The following HCRTR2 variants were observed in gnomAD, a reference collection of about 807,000 sequenced individuals.
HCRTR2 encodes the protein orexin receptor type 2.
HCRTR2 carries 22 observed loss-of-function variants against 49.0 expected under a neutral mutation model. The observed-to-expected ratio is 0.45, with a 90% CI of 0.32 to 0.64. The LOEUF is 0.64. HCRTR2 is among the 30% of genes least tolerant of loss of function. The probability of loss-of-function intolerance (pLI) is 0.04; values close to 1 mark genes in which losing one functional copy is unlikely to be tolerated. For missense variants in HCRTR2, 491 were observed against 559.4 expected (o/e 0.88, Z 1.23); for synonymous variants, 236 against 205.3 (o/e 1.15, Z -1.28).
chr6:55,246,326 TA>T (rs1766442788), intron 1 of HCRTR2, among the ~76,000 whole-genome samples: 1 of 151,912 alleles, frequency 6.6e-6, no homozygotes, highest in South Asian at 2.1e-4. Flanking sequence ...TTCCAAGAAA[TA>T]ATTAGGATCT....
intron 1 of HCRTR2, among the ~76,000 whole-genome samples, chr6:55,179,134 G>A (rs1205006221): frequency 6.6e-6 from 1 of 152,148 alleles, no homozygotes; most frequent in African/African-American, 2.4e-5. Context: ...AGATATGTAA[G>A]TGGTAGAATT....
At chr6:55,131,615 A>G in intron 1 of HCRTR2, among the ~76,000 whole-genome samples, 1 of 151,870 alleles carries the variant, frequency 6.6e-6, no homozygotes. Flanking sequence ...ACAAGCAAAA[A>G]AAGGCAAAAA....
chr6:55,282,385 G>C lies in HCRTR2; in HGVS notation c.1266G>C (p.Glu422Asp). The part of the protein sequence containing the change: ...SNFDNISKLS[E>D]QVVLTSISTL... ...TTGATAACATATCAAAACTTTCTGAGCAAGTTGTGCTCACTAGCATAAGCA... is the reference window on the plus strand; with the variant it reads ...TTGATAACATATCAAAACTTTCTGACCAAGTTGTGCTCACTAGCATAAGCA... Residue 422 changes from glutamate (E) to aspartate (D), a missense_variant, in exon 7 of 7, where the codon GAG becomes GAC. Transcript: ENST00000370862. The C allele has an allele frequency of 1.2e-6, 2 of 1,613,346 alleles. No homozygotes were observed. The highest frequency in any genetic ancestry group is 1.7e-6 in the Non-Finnish European group (2 of 1,179,564).
At chr6:55,193,222 T>C (rs1765351340) in intron 1 of HCRTR2, among the ~76,000 whole-genome samples, 1 of 152,170 alleles carries the variant, frequency 6.6e-6, no homozygotes, top group Non-Finnish European at 1.5e-5. Context: ...GACAGCATCA[T>C]GGGAAGGCCA....
intron 2 of HCRTR2, among the ~76,000 whole-genome samples, chr6:55,254,378 T>G (rs1766609866): frequency 2.0e-5 from 3 of 152,152 alleles, no homozygotes; most frequent in Admixed American, 2.0e-4. Flanking sequence ...ATATGAATTT[T>G]TAAAATTTTT....
Position 55,147,815 on chromosome 6 carries a change from T to C in HCRTR2, c.-377-26396T>C, listed in dbSNP as rs534458902. On this transcript the variant is annotated intron_variant, in intron 1 of 7. Coordinates refer to the HCRTR2 transcript ENST00000615358. The stretch of plus-strand genomic sequence containing the variant: ...GTATAGGCTCTGGATGTAAACAGTT[T>C]AGCTCTGGGAAAGATGTTTTAGTGA... Among the ~76,000 whole-genome samples, 18 of 152,352 alleles carry C rather than the reference T, an allele frequency of 1.2e-4. 1 individual carries two copies. The South Asian group carries it at 2.9e-3, about 25-fold the overall frequency.
intron 1 of HCRTR2, among the ~76,000 whole-genome samples, chr6:55,126,426 A>T (rs917769215): frequency 6.6e-5 from 10 of 152,156 alleles, no homozygotes; most frequent in Non-Finnish European, 1.0e-4. Context: ...GTATCACCAG[A>T]GGAGGCTGTA....
chr6:55,132,076 G>T (rs933599024), intron 1 of HCRTR2, among the ~76,000 whole-genome samples: 9 of 151,676 alleles, frequency 5.9e-5, no homozygotes, highest in African/African-American at 1.7e-4. Flanking sequence ...AACATATATA[G>T]ATATCCCTTT....
intron 1 of HCRTR2, among the ~76,000 whole-genome samples, chr6:55,216,747 A>C (rs1765794162): frequency 6.6e-6 from 1 of 152,178 alleles, no homozygotes; most frequent in Non-Finnish European, 1.5e-5. Flanking sequence ...CAGCTTTCCC[A>C]GGTGGGCACT....
At chr6:55,277,020 G>C (rs138355882) in intron 4 of HCRTR2, among the ~76,000 whole-genome samples, 293 of 152,228 alleles carry the variant, frequency 1.9e-3, no homozygotes, top group Non-Finnish European at 2.9e-3. Flanking sequence ...TTAAACTTTG[G>C]TATCTGAGCT....
chr6:55,228,118 A>G (rs1430580115), intron 1 of HCRTR2, among the ~76,000 whole-genome samples: 4 of 152,106 alleles, frequency 2.6e-5, no homozygotes, highest in Non-Finnish European at 4.4e-5. Flanking sequence ...ACAGTGATGA[A>G]TAACAGAACC....
intron 1 of HCRTR2, among the ~76,000 whole-genome samples, chr6:55,242,964 C>G (rs1305370248): frequency 6.6e-6 from 1 of 152,154 alleles, no homozygotes; most frequent in African/African-American, 2.4e-5. Flanking sequence ...TATTATTTAA[C>G]ATATTTTATA....
At chr6:55,191,497 A>T (rs1179385423) in intron 1 of HCRTR2, among the ~76,000 whole-genome samples, 6 of 152,186 alleles carry the variant, frequency 3.9e-5, no homozygotes, top group African/African-American at 1.4e-4. Flanking sequence ...CATGGAAAGA[A>T]TTGAAGGGTT....
chr6:55,193,219 T>A (rs1765351284), intron 1 of HCRTR2, among the ~76,000 whole-genome samples: 1 of 152,164 alleles, frequency 6.6e-6, no homozygotes, highest in Non-Finnish European at 1.5e-5. Flanking sequence ...CATGACAGCA[T>A]CATGGGAAGG....
At chr6:55,192,119 A>G (rs964658345) in intron 1 of HCRTR2, among the ~76,000 whole-genome samples, 6 of 152,180 alleles carry the variant, frequency 3.9e-5, no homozygotes, top group African/African-American at 1.4e-4. Flanking sequence ...GTGTATACTC[A>G]TATGAACTTT....
At chr6:55,220,242 G>A (rs1186936288) in intron 1 of HCRTR2, among the ~76,000 whole-genome samples, 2 of 151,918 alleles carry the variant, frequency 1.3e-5, no homozygotes, top group Non-Finnish European at 2.9e-5. Flanking sequence ...ATATTACAAC[G>A]AACACACACA....
chr6:55,224,701 C>T (rs1765968485), intron 1 of HCRTR2, among the ~76,000 whole-genome samples: 2 of 151,458 alleles, frequency 1.3e-5, no homozygotes, highest in African/African-American at 2.4e-5. Flanking sequence ...AAGAAGGAAA[C>T]CCTGTCATTT....
At chr6:55,211,575 C>T (rs1209964337) in intron 1 of HCRTR2, among the ~76,000 whole-genome samples, 1 of 152,164 alleles carries the variant, frequency 6.6e-6, no homozygotes, top group Non-Finnish European at 1.5e-5. Flanking sequence ...AGTGAGGACA[C>T]ATTCCAAATG....
At chr6:55,130,252 C>G (rs1200926566) in intron 1 of HCRTR2, among the ~76,000 whole-genome samples, 2 of 151,906 alleles carry the variant, frequency 1.3e-5, no homozygotes, top group Non-Finnish European at 2.9e-5. Context: ...TCAAAGGCAG[C>G]ACAAATTCAG....
Sources: gnomAD v4.1 joint callset for allele counts (sites outside exome capture counted in the v4.1 genomes callset) on GRCh38, gnomAD v4.1.1 for gene constraint, MANE v1.5 for transcripts, NCBI Gene and HGNC (gene_info 2026-07-23, HGNC 2026-07-21) for gene names.